SLC41A2: variants seen among roughly 807,000 people sequenced by gnomAD.
SLC41A2 encodes the protein solute carrier family 41 member 2, also known as SLC41A1-like 1.
In SLC41A2, 32 loss-of-function variants were observed where a neutral mutation model predicts 58.3. The ratio of observed to expected loss-of-function variants is 0.55; its 90% CI spans 0.41 to 0.74. The LOEUF is 0.74. SLC41A2 is among the 30% of genes least tolerant of loss of function. The pLI, the probability that SLC41A2 is intolerant of heterozygous loss-of-function variation, is 0.00. For missense variants in SLC41A2, 514 were observed against 680.6 expected (o/e 0.76, Z 2.72); for synonymous variants, 190 against 235.0 (o/e 0.81, Z 1.75).
intron 10 of SLC41A2, among the ~76,000 whole-genome samples, chr12:104,818,734 G>A (rs970811248): frequency 1.3e-5 from 2 of 152,076 alleles, no homozygotes; most frequent in African/African-American, 2.4e-5. Context: ...AAAATTAGCT[G>A]GGCGTGGTGG....
intron 1 of SLC41A2, among the ~76,000 whole-genome samples, chr12:104,940,541 A>G (rs1434972081): frequency 6.6e-6 from 1 of 151,784 alleles, no homozygotes; most frequent in Non-Finnish European, 1.5e-5. Flanking sequence ...CTAAAAAAAA[A>G]AAAGGCTCAC....
chr12:104,948,771 CT>C (rs1352625818), intron 1 of SLC41A2, among the ~76,000 whole-genome samples: 1 of 152,218 alleles, frequency 6.6e-6, no homozygotes, highest in Non-Finnish European at 1.5e-5. Flanking sequence ...CTCTCAGCTC[CT>C]TTCATGCCAA....
chr12:104,905,062 T>C (rs2045762445), intron 3 of SLC41A2, among the ~76,000 whole-genome samples: 2 of 152,038 alleles, frequency 1.3e-5, no homozygotes, highest in South Asian at 4.1e-4. Flanking sequence ...TTACAATCCC[T>C]GAGCTAGATA....
intron 9 of SLC41A2, 68 bp downstream of exon 9, chr12:104,845,775 T>C: frequency 6.9e-7 from 1 of 1,457,690 alleles, no homozygotes; most frequent in Non-Finnish European, 9.2e-7. Flanking sequence ...CAATAAATGT[T>C]GCCTGCCTAT....
At chr12:104,853,276 G>A (rs1353659007) in intron 8 of SLC41A2, among the ~76,000 whole-genome samples, 1 of 152,132 alleles carries the variant, frequency 6.6e-6, no homozygotes, top group Non-Finnish European at 1.5e-5. Flanking sequence ...TGCACATTCC[G>A]AAGGAAACCC....
rs1399797722 is a variant in SLC41A2, at chr12:104,803,429, GT to G, written c.*1722del. On this transcript the variant is annotated 3_prime_UTR_variant, in exon 11 of 11. Coordinates refer to ENST00000258538, the MANE Select transcript of SLC41A2 (RefSeq NM_001352171.3). ...AAGGCAGAAGAATGGAATAATTGAA[GT>G]TTAAAAATAAGCAAAAATATATAAC... The G allele has an allele frequency of 3.3e-5, 5 of 152,170 alleles. No individual in the cohort carries two copies. In the East Asian group the frequency reaches 9.6e-4, roughly 29 times the overall value. The allele number at this position is 152,170 out of a possible 1,614,324, so 9.4% of individuals were successfully genotyped here. A position where few individuals can be genotyped will look rare whatever the true frequency, so the allele number is the denominator to read the frequency against.
chr12:104,931,939 G>C (rs1229389395), intron 1 of SLC41A2: 1 of 152,198 alleles, frequency 6.6e-6, no homozygotes, highest in African/African-American at 2.4e-5. Flanking sequence ...GCTACTCTGA[G>C]TGGTGTTTCT....
chr12:104,937,956 T>C (rs2047348818), intron 1 of SLC41A2, among the ~76,000 whole-genome samples: 1 of 152,218 alleles, frequency 6.6e-6, no homozygotes, highest in African/African-American at 2.4e-5. Context: ...AAAAGCACTT[T>C]GGAAAACAAT....
At chr12:104,909,852 C>T (rs1252890214) in intron 2 of SLC41A2, 90 bp from the exon 3 acceptor site, 1 of 849,346 alleles carries the variant, frequency 1.2e-6, no homozygotes, top group Non-Finnish European at 1.8e-6. Context: ...AGCCTTTTTC[C>T]CAACTTGGCA....
intron 8 of SLC41A2, among the ~76,000 whole-genome samples, chr12:104,857,916 G>A (rs1014754450): frequency 6.6e-6 from 1 of 151,454 alleles, no homozygotes; most frequent in African/African-American, 2.4e-5. Context: ...CGAGTTAATG[G>A]GTGCAGCACA....
At chr12:104,927,942 A>G (rs951979621) in intron 2 of SLC41A2, 31 bp downstream of exon 2, 2 of 1,512,416 alleles carry the variant, frequency 1.3e-6, no homozygotes, top group Non-Finnish European at 1.8e-6. Context: ...ACAAAAAAAG[A>G]CAGTAAAGTT....
At chr12:104,891,089 C>T (rs1026369379) in intron 4 of SLC41A2, among the ~76,000 whole-genome samples, 7 of 152,164 alleles carry the variant, frequency 4.6e-5, no homozygotes, top group Admixed American at 6.5e-5. Context: ...TTACCCCCAC[C>T]GCTCCATCTT....
intron 10 of SLC41A2, among the ~76,000 whole-genome samples, chr12:104,838,726 G>C (rs994015442): frequency 1.3e-5 from 2 of 152,126 alleles, no homozygotes; most frequent in African/African-American, 4.8e-5. Context: ...TTATTCTGAA[G>C]TTACAGAGGA....
chr12:104,919,734 G>A (rs2135835522), intron 2 of SLC41A2, among the ~76,000 whole-genome samples: 1 of 152,002 alleles, frequency 6.6e-6, no homozygotes, highest in East Asian at 1.9e-4. Context: ...CTAATCCTTT[G>A]TCAGATAGGT....
At chr12:104,876,533 A>G (rs2044053921) in intron 6 of SLC41A2, among the ~76,000 whole-genome samples, 1 of 151,968 alleles carries the variant, frequency 6.6e-6, no homozygotes, top group Non-Finnish European at 1.5e-5. Flanking sequence ...GTTCAGGAGC[A>G]TGATGTTTAA....
chr12:104,947,974 T>C lies in SLC41A2; in HGVS notation c.-168+10114A>G, dbSNP rs181317901. Among the ~76,000 whole-genome samples, 7 of 152,308 alleles carry C rather than the reference T, an allele frequency of 4.6e-5. No homozygotes were observed. In the East Asian group the frequency reaches 1.2e-3, roughly 25 times the overall value. On this transcript the variant is annotated intron_variant, in intron 1 of 10. Coordinates refer to ENST00000258538, the MANE Select transcript of SLC41A2 (RefSeq NM_001352171.3). ...TGAAAGCATTAGAATCCACCATGAG[T>C]TTGCCTGGGGTCATTTTGAAATTCC... is the stretch of plus-strand genomic sequence containing the variant.
chr12:104,846,294 G>C (rs901906291), intron 8 of SLC41A2, among the ~76,000 whole-genome samples: 4 of 152,154 alleles, frequency 2.6e-5, no homozygotes, highest in African/African-American at 9.7e-5. Flanking sequence ...TTAATGACAG[G>C]GAAGATAAGC....
intron 8 of SLC41A2, among the ~76,000 whole-genome samples, chr12:104,854,048 G>A (rs1458201817): frequency 6.6e-6 from 1 of 150,802 alleles, no homozygotes; most frequent in Non-Finnish European, 1.5e-5. Flanking sequence ...AAGTGAGCCA[G>A]CGTGCTCAGC....
chr12:104,925,420 C>T (rs1400972770), intron 2 of SLC41A2, among the ~76,000 whole-genome samples: 5 of 151,808 alleles, frequency 3.3e-5, no homozygotes, highest in African/African-American at 4.8e-5. Context: ...TAGCCGGGCG[C>T]GGTGGCGGGC....
Sources: allele counts gnomAD v4.1 joint callset (sites outside exome capture counted in the v4.1 genomes callset), GRCh38; gene constraint gnomAD v4.1.1; transcripts MANE v1.5; gene names NCBI Gene and HGNC (gene_info 2026-07-23, HGNC 2026-07-21).